Variants in ARFGEF3 observed in about 807,000 individuals in gnomAD.
The protein encoded by ARFGEF3 is brefeldin A-inhibited guanine nucleotide-exchange protein 3.
A neutral mutation model predicts 221.7 loss-of-function variants in ARFGEF3; 96 were observed. The observed-to-expected ratio is 0.43, with a 90% CI of 0.37 to 0.51. ARFGEF3 has a LOEUF of 0.51. Among genes scored for constraint, ARFGEF3 ranks in the 20% least tolerant of loss-of-function variants. The pLI is 0.00. For missense variants in ARFGEF3, 2,410 were observed against 2,789.9 expected (o/e 0.86, Z 3.07); for synonymous variants, 1,145 against 1,126.8 (o/e 1.02, Z -0.32).
intron 1 of ARFGEF3, among the ~76,000 whole-genome samples, chr6:138,169,886 G>A (rs922562794): frequency 3.3e-5 from 5 of 152,188 alleles, no homozygotes; most frequent in African/African-American, 1.2e-4. Context: ...TGAGCAAGGT[G>A]GGAAGAGACA....
intron 2 of ARFGEF3, among the ~76,000 whole-genome samples, chr6:138,185,703 C>A (rs1205290686): frequency 6.6e-6 from 1 of 152,126 alleles, no homozygotes; most frequent in African/African-American, 2.4e-5. Context: ...TTTCTTTCCA[C>A]CCCTTGAGCA....
chr6:138,223,620 T>G (rs1248094298), intron 4 of ARFGEF3, among the ~76,000 whole-genome samples: 1 of 152,206 alleles, frequency 6.6e-6, no homozygotes, highest in African/African-American at 2.4e-5. Flanking sequence ...AAATAATTTC[T>G]TGTTCATTCA....
intron 22 of ARFGEF3, among the ~76,000 whole-genome samples, chr6:138,299,812 G>C (rs1301346141): frequency 1.3e-5 from 2 of 152,182 alleles, no homozygotes; most frequent in Non-Finnish European, 2.9e-5. Flanking sequence ...GATACTATCA[G>C]CTTGTTTCTA....
chr6:138,307,287 G>T lies in ARFGEF3; in HGVS notation c.3863G>T (p.Cys1288Phe). 1 of 1,614,018 alleles carries T rather than the reference G, an allele frequency of 6.2e-7. No homozygotes were observed. The highest frequency in any genetic ancestry group is 8.5e-7 in the Non-Finnish European group (1 of 1,179,880). The part of the protein sequence containing the change: ...VTSIGELVEV[C>F]STQIQSGWRP... Reference sequence around the variant, plus strand: ...TCCATTGGTGAGCTGGTTGAAGTGTGTTCCACGCAGATCCAGTCGGGATGG... The same window carrying T: ...TCCATTGGTGAGCTGGTTGAAGTGTTTTCCACGCAGATCCAGTCGGGATGG... Residue 1288 changes from cysteine (C) to phenylalanine (F), a missense_variant, in exon 23 of 34, where the codon TGT becomes TTT. Cys to Phe is a radical substitution (Grantham distance 205). Transcript: ENST00000251691.
chr6:138,321,050 A>C (rs776526015), intron 28 of ARFGEF3, 61 bp from the exon 29 acceptor site: 9 of 931,736 alleles, frequency 9.7e-6, no homozygotes, highest in Non-Finnish European at 1.5e-5. Flanking sequence ...ATAGATGGCC[A>C]TTTCAATCTA....
chr6:138,264,973 G>C (rs1313258665), intron 12 of ARFGEF3, among the ~76,000 whole-genome samples: 1 of 148,006 alleles, frequency 6.8e-6, no homozygotes, highest in Non-Finnish European at 1.5e-5. Context: ...GTGCAATCTC[G>C]GCTCACTGCA....
At chr6:138,318,046 C>A (rs1779957764) in intron 27 of ARFGEF3, among the ~76,000 whole-genome samples, 1 of 152,152 alleles carries the variant, frequency 6.6e-6, no homozygotes, top group Non-Finnish European at 1.5e-5. Context: ...TACTAACAAT[C>A]AGACCCTAAA....
chr6:138,332,397 G>GGACA (rs1780243416), intron 32 of ARFGEF3, among the ~76,000 whole-genome samples: 1 of 151,886 alleles, frequency 6.6e-6, no homozygotes, highest in African/African-American at 2.4e-5. Flanking sequence ...TGGTTACTGG[G>GGACA]GACAAGAAGA....
chr6:138,289,640 G>A (rs571306837), intron 17 of ARFGEF3, among the ~76,000 whole-genome samples, 178 bp from the exon 18 acceptor site: 1 of 152,330 alleles, frequency 6.6e-6, no homozygotes, highest in Admixed American at 6.5e-5. Flanking sequence ...ACCAGCACGT[G>A]GGACCTGCTG....
intron 29 of ARFGEF3, among the ~76,000 whole-genome samples, chr6:138,323,168 A>AT (rs1331780485): frequency 6.6e-6 from 1 of 152,184 alleles, no homozygotes; most frequent in African/African-American, 2.4e-5. Context: ...GGATCCGTTG[A>AT]TATTTCTATA....
At chr6:138,242,891 A>G (rs938759357) in intron 6 of ARFGEF3, 61 bp from the exon 7 acceptor site, 6 of 1,454,658 alleles carry the variant, frequency 4.1e-6, no homozygotes, top group Admixed American at 3.6e-5. Context: ...TCCCATTGTC[A>G]AAGAGTCAAG....
intron 20 of ARFGEF3, 68 bp from the exon 21 acceptor site, chr6:138,296,738 CTCTT>C: frequency 6.4e-7 from 1 of 1,553,216 alleles, no homozygotes; most frequent in South Asian, 1.2e-5. Context: ...TTCAACCTCT[CTCTT>C]TGCTTGAATA....
chr6:138,191,443 A>G (rs6908140), intron 2 of ARFGEF3, among the ~76,000 whole-genome samples: 6,558 of 152,202 alleles, frequency 0.043, 470 homozygotes, highest in African/African-American at 0.15. Context: ...TCCTTCTGGC[A>G]TCTTCCTGAG....
chr6:138,256,087 A>G (rs1051895802), intron 10 of ARFGEF3, among the ~76,000 whole-genome samples: 3 of 152,206 alleles, frequency 2.0e-5, no homozygotes, highest in Non-Finnish European at 4.4e-5. Flanking sequence ...CTGTTTGTGC[A>G]GATATATGTG....
At chr6:138,300,883 G>A (rs1303259294) in intron 22 of ARFGEF3, among the ~76,000 whole-genome samples, 1 of 152,196 alleles carries the variant, frequency 6.6e-6, no homozygotes, top group Non-Finnish European at 1.5e-5. Context: ...AAGGTAATCT[G>A]AGATTTCTAG....
intron 2 of ARFGEF3, among the ~76,000 whole-genome samples, chr6:138,204,879 C>G (rs1428534301): frequency 6.6e-6 from 1 of 152,184 alleles, no homozygotes; most frequent in Non-Finnish European, 1.5e-5. Flanking sequence ...CTAGTTGAAC[C>G]ACCTTCATCT....
Position 138,162,141 on chromosome 6 carries a change from G to A in ARFGEF3, c.55G>A (p.Ala19Thr). The change falls in exon 1 of 34, where the codon GCC becomes ACC. Residue 19 changes from alanine (A) to threonine (T), a missense_variant. Around this residue, in one of 5 missense-constraint regions of ARFGEF3, gnomAD observed 570 missense variants for 586.9 expected, o/e 0.97. Transcript: ENST00000251691. This position sits in a 1 kb window ranked among gnomAD's most constrained non-coding sequence, Gnocchi z 4.7. ...QKEASGSKYK[A>T]IKESCTWALE... ...GGAGGCGTCCGGGAGCAAGTACAAA[G>A]CCATCAAGGAGAGCTGCACCTGGGC... 4 of 1,605,788 alleles carry A rather than the reference G, an allele frequency of 2.5e-6. No homozygotes were observed. The highest frequency in any genetic ancestry group is 3.4e-6 in the Non-Finnish European group (4 of 1,175,750).
intron 4 of ARFGEF3, chr6:138,217,942 A>G: frequency 1.3e-6 from 2 of 1,544,130 alleles, no homozygotes; most frequent in Non-Finnish European, 8.7e-7. Flanking sequence ...TTGCCTTTTC[A>G]ACCATTTTTA....
chr6:138,236,720 C>G (rs1778295288), intron 5 of ARFGEF3, among the ~76,000 whole-genome samples: 3 of 152,196 alleles, frequency 2.0e-5, no homozygotes, highest in Admixed American at 1.3e-4. Context: ...CCAGCCACCT[C>G]AGCCTCCCAA....
Sources: allele counts gnomAD v4.1 joint callset (sites outside exome capture counted in the v4.1 genomes callset), GRCh38; gene constraint gnomAD v4.1.1; regional missense constraint gnomAD v4.1.1; non-coding constraint Gnocchi (gnomAD v3.1); transcripts MANE v1.5; gene names NCBI Gene and HGNC (gene_info 2026-07-23, HGNC 2026-07-21).